The following IL21R variants were observed in gnomAD, a reference collection of about 807,000 sequenced individuals.
The protein encoded by IL21R is interleukin-21 receptor.
IL21R carries 14 observed loss-of-function variants against 41.3 expected under a neutral mutation model. That is an observed-to-expected ratio of 0.34 (90% CI 0.22 to 0.53). IL21R has a LOEUF of 0.53. Among genes scored for constraint, IL21R ranks in the 20% least tolerant of loss-of-function variants. IL21R has a pLI of 0.94. For missense variants in IL21R, 588 were observed against 681.6 expected (o/e 0.86, Z 1.53); for synonymous variants, 286 against 287.6 (o/e 0.99, Z 0.05).
chr16:27,448,214 G>T (rs2087518293), intron 8 of IL21R: 2 of 278,822 alleles, frequency 7.2e-6, no homozygotes, highest in Non-Finnish European at 1.4e-5. Flanking sequence ...CAACACTTTG[G>T]GAGGCTGAGG....
chr16:27,421,535 T>C (rs1277438569), intron 1 of IL21R, among the ~76,000 whole-genome samples: 1 of 152,116 alleles, frequency 6.6e-6, no homozygotes, highest in African/African-American at 2.4e-5. Flanking sequence ...CTCACACTAA[T>C]AAACAAATTC....
chr16:27,425,300 A>G (rs1216742727), intron 1 of IL21R, among the ~76,000 whole-genome samples: 2 of 152,242 alleles, frequency 1.3e-5, no homozygotes, highest in Non-Finnish European at 2.9e-5. Context: ...GATTCGGGGC[A>G]GAGAAGGCAG....
intron 4 of IL21R, among the ~76,000 whole-genome samples, chr16:27,440,003 C>T (rs1209261991): frequency 2.6e-5 from 4 of 151,912 alleles, no homozygotes; most frequent in Non-Finnish European, 5.9e-5. Context: ...CCACCTGCCC[C>T]GGGGAAGACA....
intron 1 of IL21R, chr16:27,427,240 T>C (rs2087094052): frequency 1.0e-6 from 1 of 974,502 alleles, no homozygotes. Flanking sequence ...TGGGGTGGAG[T>C]CAGCCTCAGG....
intron 2 of IL21R, among the ~76,000 whole-genome samples, chr16:27,432,206 A>G (rs991715228): frequency 1.3e-5 from 2 of 152,228 alleles, no homozygotes; most frequent in Non-Finnish European, 2.9e-5. Context: ...CTGTGCTGCT[A>G]TCTGTGGAGT....
chr16:27,446,309 G>A (rs1181592994), intron 8 of IL21R, among the ~76,000 whole-genome samples: 2 of 152,212 alleles, frequency 1.3e-5, no homozygotes, highest in African/African-American at 2.4e-5. Flanking sequence ...TTGACCAGGT[G>A]TGGTGGCTGA....
chr16:27,447,895 T>C (rs2087511229), intron 8 of IL21R: 1 of 152,318 alleles, frequency 6.6e-6, no homozygotes, highest in African/African-American at 2.4e-5. Flanking sequence ...TCTCCTTGAC[T>C]CAGGAATCTT....
At chr16:27,420,109 T>C (rs961651606) in intron 1 of IL21R, among the ~76,000 whole-genome samples, 1 of 150,906 alleles carries the variant, frequency 6.6e-6, no homozygotes. Flanking sequence ...ACACTGGTCT[T>C]GAAGTCCTGA....
chr16:27,423,330 T>C (rs1307577567), intron 1 of IL21R, among the ~76,000 whole-genome samples: 1 of 152,150 alleles, frequency 6.6e-6, no homozygotes, highest in Non-Finnish European at 1.5e-5. Flanking sequence ...ATCCATATTT[T>C]ATTTTACAAA....
chr16:27,413,505 G>A (rs903311766), intron 1 of IL21R, among the ~76,000 whole-genome samples: 5 of 151,284 alleles, frequency 3.3e-5, no homozygotes, highest in Non-Finnish European at 7.4e-5. Context: ...TTTTGGAAGT[G>A]TTAGGGATGA....
rs2086672402 is a variant in IL21R at position 27,402,362 on chromosome 16, TTGCCG to T, written c.-271_-267del. The T allele has an allele frequency of 6.6e-6, 1 of 152,628 alleles. No homozygotes were observed. The highest frequency in any genetic ancestry group is 2.4e-5 in the African/African-American group (1 of 41,466). 9.5% of individuals were successfully genotyped at this position (152,628 alleles called of 1,614,324 possible). A position where few individuals can be genotyped will look rare whatever the true frequency, so the allele number is the denominator to read the frequency against. ...CTGCTGCGGCCGCCTGGTACCTTCCTTGCCGTCTCTTTCCTCTGTCTGCTGCTCTG... is the reference window on the plus strand; with the variant it reads ...CTGCTGCGGCCGCCTGGTACCTTCCTTCTCTTTCCTCTGTCTGCTGCTCTG... On this transcript the variant is annotated 5_prime_UTR_variant, in exon 1 of 9. Coordinates refer to ENST00000337929, the MANE Select transcript of IL21R (RefSeq NM_181078.3).
intron 2 of IL21R, among the ~76,000 whole-genome samples, chr16:27,433,133 G>A (rs1012977370): frequency 6.6e-6 from 1 of 152,088 alleles, no homozygotes; most frequent in South Asian, 2.1e-4. Context: ...CATTAGTCCA[G>A]GGAAAATAGG....
chr16:27,431,755 ATTC>A (rs1337705237), intron 2 of IL21R, among the ~76,000 whole-genome samples: 3 of 151,892 alleles, frequency 2.0e-5, no homozygotes, highest in Non-Finnish European at 4.4e-5. Flanking sequence ...GGTTCAAGCA[ATTC>A]TCATGCCTCA....
At chr16:27,441,665 GA>G (rs1452573447) in intron 4 of IL21R, among the ~76,000 whole-genome samples, 1 of 152,164 alleles carries the variant, frequency 6.6e-6, no homozygotes, top group East Asian at 1.9e-4. Context: ...AAAATGAATG[GA>G]TTTGCCAGCA....
At chr16:27,418,241 T>C (rs1321979199) in intron 1 of IL21R, among the ~76,000 whole-genome samples, 1 of 151,088 alleles carries the variant, frequency 6.6e-6, no homozygotes, top group Non-Finnish European at 1.5e-5. Context: ...GGCTAATTTT[T>C]TGTATTTTTA....
intron 1 of IL21R, among the ~76,000 whole-genome samples, chr16:27,403,455 G>C (rs542560297): frequency 4.6e-5 from 7 of 152,294 alleles, no homozygotes; most frequent in South Asian, 2.1e-4. Flanking sequence ...TGATTCCCTG[G>C]GGGGAGAGTG....
chr16:27,422,211 T>C (rs1353737862), intron 1 of IL21R, among the ~76,000 whole-genome samples: 1 of 152,074 alleles, frequency 6.6e-6, no homozygotes. Context: ...ATACTGCATA[T>C]CTTTGTCTTT....
At position 27,448,584 on chromosome 16, in the gene IL21R, G is replaced by A; in HGVS notation, c.918G>A (p.Trp306Ter). The change falls in exon 9 of 9, where the codon TGG (tryptophan) becomes TGA (stop). Residue 306 changes from tryptophan (W) to a stop codon, truncating the protein, a stop_gained. Transcript: ENST00000337929. LOFTEE classifies it low-confidence loss of function (END_TRUNC). Reference sequence around the variant, plus strand: ...GCTCCAGCCTGGAGCTGGGACCCTGGAGCCCAGAGGTGCCCTCCACCCTGG... The same window carrying A: ...GCTCCAGCCTGGAGCTGGGACCCTGAAGCCCAGAGGTGCCCTCCACCCTGG... The part of the protein sequence containing the change: ...FTGSSLELGP[W>*]SPEVPSTLEV... The A allele has an allele frequency of 6.2e-7, 1 of 1,612,434 alleles. No homozygotes were observed. Among genetic ancestry groups the A allele is most frequent in the Non-Finnish European group, 8.5e-7 (1 of 1,179,764 alleles).
At position 27,449,372 on chromosome 16, in the gene IL21R, C is replaced by T; in HGVS notation, c.*89C>T. 2.2e-6 allele frequency: 3 copies of T among 1,362,184 alleles called. No homozygotes were observed. Among genetic ancestry groups the T allele is most frequent in the Non-Finnish European group, 3.0e-6 (3 of 1,013,490 alleles). 84.4% of individuals were successfully genotyped at this position (1,362,184 alleles called of 1,614,324 possible). A position where few individuals can be genotyped will look rare whatever the true frequency, so the allele number is the denominator to read the frequency against. ...CTGGGCTGTGATGTGAAGACACCTG[C>T]AGCCTTTGGTCTCCTGGATGGGCCT... On this transcript the variant is annotated 3_prime_UTR_variant, in exon 9 of 9. Coordinates refer to ENST00000337929, the MANE Select transcript of IL21R (RefSeq NM_181078.3).
Sources: gnomAD v4.1 joint callset for allele counts (sites outside exome capture counted in the v4.1 genomes callset) on GRCh38, gnomAD v4.1.1 for gene constraint, MANE v1.5 for transcripts, NCBI Gene and HGNC (gene_info 2026-07-23, HGNC 2026-07-21) for gene names.